Variants in BTBD7 observed in about 807,000 individuals in gnomAD.
BTBD7 encodes the protein BTB domain containing 7, also known as BTB/POZ domain-containing protein 7.
Under a neutral mutation model 99.9 loss-of-function variants are expected in BTBD7, and 38 were observed. The observed-to-expected ratio is 0.38, with a 90% CI of 0.29 to 0.50. The LOEUF (loss-of-function observed/expected upper bound fraction) is 0.50, where lower values mean the gene tolerates loss of function less well. Ranked by LOEUF, BTBD7 falls within the 20% of genes least tolerant of loss-of-function variation. BTBD7 has a pLI of 0.93. For synonymous variants in BTBD7, 520 were observed against 511.4 expected, an observed-to-expected ratio of 1.02 and a Z score of -0.23; for missense variants, 1,170 against 1,394.6, an observed-to-expected ratio of 0.84 and a Z score of 2.57.
chr14:93,248,676 G>A, intron 8 of BTBD7, 22 bp from the exon 9 acceptor site: 1 of 1,567,188 alleles, frequency 6.4e-7, no homozygotes. Context: ...ACAACAGTGG[G>A]CAAGCAAAAT....
At chr14:93,276,479 C>T (rs2052657381) in intron 3 of BTBD7, among the ~76,000 whole-genome samples, 1 of 151,944 alleles carries the variant, frequency 6.6e-6, no homozygotes, top group Non-Finnish European at 1.5e-5. Flanking sequence ...AATTCTGTTC[C>T]GTGTGAATGT....
intron 6 of BTBD7, 68 bp downstream of exon 6, chr14:93,257,127 C>T (rs1428680704): frequency 1.3e-6 from 2 of 1,488,400 alleles, no homozygotes; most frequent in Admixed American, 3.7e-5. Flanking sequence ...AAATTATTTA[C>T]AATGAATAAA....
chr14:93,319,207 T>C (rs1210009036), intron 1 of BTBD7, among the ~76,000 whole-genome samples: 1 of 152,206 alleles, frequency 6.6e-6, no homozygotes, highest in East Asian at 1.9e-4. Context: ...AATGAGACAC[T>C]GTCTCTAACA....
intron 3 of BTBD7, among the ~76,000 whole-genome samples, chr14:93,266,275 T>G (rs1674272162): frequency 6.6e-6 from 1 of 152,166 alleles, no homozygotes; most frequent in Non-Finnish European, 1.5e-5. Context: ...AGGACTCATG[T>G]TGCTGCTTTC....
In BTBD7 at chr14:93,300,758, GTGTGTGTGTGTGTGTATA is replaced by G. The variant is rs1389119668; in HGVS notation, c.-106-4619_-106-4602del. Reference sequence around the variant, plus strand: ...TGTGTGTGTGTGTGTGTGTGTGTGTGTGTGTGTGTGTGTGTATATATATATATATTTTTTTTTTGTAGA... The same window carrying G: ...TGTGTGTGTGTGTGTGTGTGTGTGTGTATATATATATTTTTTTTTTGTAGA... On this transcript the variant is annotated intron_variant, in intron 1 of 10. Coordinates refer to ENST00000334746, the MANE Select transcript of BTBD7 (RefSeq NM_001002860.4). Among the ~76,000 whole-genome samples, 108 of 44,006 alleles carry G rather than the reference GTGTGTGTGTGTGTGTATA, an allele frequency of 2.5e-3. 4 individuals are homozygous for G. Among genetic ancestry groups the G allele is most frequent in the African/African-American group, 7.5e-3 (44 of 5,874 alleles). 28.9% of individuals were successfully genotyped at this position (44,006 alleles called of 152,430 possible).
At chr14:93,311,816 T>C (rs925945913) in intron 1 of BTBD7, among the ~76,000 whole-genome samples, 4 of 151,954 alleles carry the variant, frequency 2.6e-5, no homozygotes, top group African/African-American at 9.7e-5. Flanking sequence ...CAAATTACTG[T>C]ATATGTAAGT....
chr14:93,280,982 A>G (rs1482731375), intron 3 of BTBD7, among the ~76,000 whole-genome samples: 1 of 151,440 alleles, frequency 6.6e-6, no homozygotes, highest in Non-Finnish European at 1.5e-5. Flanking sequence ...ATAGGCACCC[A>G]CCACCACGCC....
chr14:93,238,564 C>T lies in BTBD7; in HGVS notation c.*3709G>A, dbSNP rs562050715. The T allele has an allele frequency of 2.0e-5, 3 of 152,576 alleles. No individual in the cohort carries two copies. The highest frequency in any genetic ancestry group is 4.1e-4 in the South Asian group (2 of 4,830). The allele number at this position is 152,576 out of a possible 1,614,324, so 9.5% of individuals were successfully genotyped here. On this transcript the variant is annotated 3_prime_UTR_variant, in exon 11 of 11. Coordinates refer to ENST00000334746, the MANE Select transcript of BTBD7 (RefSeq NM_001002860.4). ...ATGAAAAAAAGTCAAAGAAGCATTT[C>T]CCTTTGAATTCAGTCCTAAAAATAT...
At chr14:93,287,496 C>G (rs893420612) in intron 3 of BTBD7, 33 of 151,904 alleles carry the variant, frequency 2.2e-4, no homozygotes, top group African/African-American at 5.6e-4. Flanking sequence ...ATGCTGTGTA[C>G]TAAAATTATT....
At position 93,245,907 on chromosome 14, in the gene BTBD7, C is replaced by A. The variant is rs759387545; in HGVS notation, c.2501G>T (p.Gly834Val). ...PPDCTSTAGL[G>V]RQTVAAAAAT... ...GGCAGCAGCAGCCACCGTCTGTCTG[C>A]CCAGTCCTGCAGTGCTGGTACAATC... Residue 834 changes from glycine (G) to valine (V), a missense_variant, in exon 10 of 11, where the codon GGC (glycine) becomes GTC (valine). This residue lies in a region of BTBD7 where 495 missense variants were observed against 525.9 expected (regional missense o/e 0.94). Transcript: ENST00000334746. The A allele has an allele frequency of 6.2e-7, 1 of 1,614,104 alleles. No homozygotes were observed. Among genetic ancestry groups the A allele is most frequent in the South Asian group, 1.1e-5 (1 of 91,082 alleles).
chr14:93,293,220 C>G (rs2052879392), intron 3 of BTBD7, among the ~76,000 whole-genome samples: 1 of 152,006 alleles, frequency 6.6e-6, no homozygotes, highest in Non-Finnish European at 1.5e-5. Context: ...AATTTGTTTG[C>G]CTATAACACA....
rs543852305 is a variant in BTBD7 at position 93,258,636 on chromosome 14, G to C, written c.1448-1281C>G. Among the ~76,000 whole-genome samples, 6 of 152,198 alleles carry C rather than the reference G, an allele frequency of 3.9e-5. 1 individual carries two copies. The South Asian group carries it at 1.2e-3, about 32-fold the overall frequency. Reference sequence around the variant, plus strand: ...GTCTTGCTGTGTTGCCCAGGCTAGAGTGCAGTGGCATGATCTTGGCTCACT... The same window carrying C: ...GTCTTGCTGTGTTGCCCAGGCTAGACTGCAGTGGCATGATCTTGGCTCACT... On this transcript the variant is annotated intron_variant, in intron 5 of 10. Transcript: ENST00000334746.
At chr14:93,289,086 C>T (rs951146729) in intron 3 of BTBD7, among the ~76,000 whole-genome samples, 2 of 152,064 alleles carry the variant, frequency 1.3e-5, no homozygotes, top group Admixed American at 6.6e-5. Flanking sequence ...GGGGCGGGGA[C>T]AAGGGCATGT....
rs2052337182 is a variant in BTBD7 at position 93,248,423 on chromosome 14, C to T, written c.2121+53G>A. The T allele has an allele frequency of 3.8e-6, 6 of 1,574,580 alleles. No homozygotes were observed. The South Asian group carries it at 4.6e-5, about 12-fold the overall frequency. On this transcript the variant is annotated intron_variant, in intron 9 of 10. Transcript: ENST00000334746. ...ACTCGTCAGGATGCCCACAATACTG[C>T]CTGTCTGGTGACTGAGGCTCCCTAT...
chr14:93,302,782 T>C (rs1432220612), intron 1 of BTBD7, among the ~76,000 whole-genome samples: 2 of 151,944 alleles, frequency 1.3e-5, no homozygotes, highest in South Asian at 4.2e-4. Flanking sequence ...GAGGACGAGA[T>C]TGCAGTAAGC....
At position 93,283,881 on chromosome 14, in the gene BTBD7, G is replaced by C. The variant is rs528605902; in HGVS notation, c.1162+9977C>G. 3.3e-5 allele frequency among the ~76,000 whole-genome samples: 5 copies of C among 152,206 alleles called. No homozygotes were observed. The South Asian group carries it at 1.0e-3, about 32-fold the overall frequency. On this transcript the variant is annotated intron_variant, in intron 3 of 10. Coordinates refer to ENST00000334746, the MANE Select transcript of BTBD7 (RefSeq NM_001002860.4). Reference sequence around the variant, plus strand: ...CAATGTCTTTTAAGTATATAAATAAGGGTGAATAAACATTCCACTTTCAAT... The same window carrying C: ...CAATGTCTTTTAAGTATATAAATAACGGTGAATAAACATTCCACTTTCAAT...
At chr14:93,269,010 C>T (rs946019308) in intron 3 of BTBD7, among the ~76,000 whole-genome samples, 1 of 152,220 alleles carries the variant, frequency 6.6e-6, no homozygotes, top group East Asian at 1.9e-4. Context: ...CCGCCCGCCT[C>T]GGCCACCCAA....
chr14:93,321,373 G>A (rs563249320), intron 1 of BTBD7, among the ~76,000 whole-genome samples: 12 of 152,182 alleles, frequency 7.9e-5, no homozygotes, highest in East Asian at 5.8e-4. Context: ...CGGGTGGATC[G>A]CTTGAGGTCA....
intron 3 of BTBD7, chr14:93,287,611 C>T (rs1202431948): frequency 6.6e-6 from 1 of 152,042 alleles, no homozygotes; most frequent in Non-Finnish European, 1.5e-5. Flanking sequence ...CATAAATGCA[C>T]CACAAGAGCC....
Sources: gnomAD v4.1 joint callset for allele counts (sites outside exome capture counted in the v4.1 genomes callset) on GRCh38, gnomAD v4.1.1 for gene constraint, gnomAD v4.1.1 regional missense constraint, MANE v1.5 for transcripts, NCBI Gene and HGNC (gene_info 2026-07-23, HGNC 2026-07-21) for gene names.